The following AGMO variants were observed in gnomAD, a reference collection of about 807,000 sequenced individuals.
AGMO encodes the protein glyceryl-ether monooxygenase.
Under a neutral mutation model 60.2 loss-of-function variants are expected in AGMO, and 75 were observed. The ratio of observed to expected loss-of-function variants is 1.25; its 90% CI spans 1.03 to 1.51. AGMO has a LOEUF of 1.51. Among genes scored for constraint, AGMO ranks in the 40% most tolerant of loss-of-function variants. The pLI, the probability that AGMO is intolerant of heterozygous loss-of-function variation, is 0.00. For missense variants in AGMO, 763 were observed against 525.5 expected, an observed-to-expected ratio of 1.45 and a Z score of -4.42; for synonymous variants, 261 against 177.1, an observed-to-expected ratio of 1.47 and a Z score of -3.76.
At chr7:15,409,390 T>C (rs1036883450) in intron 5 of AGMO, among the ~76,000 whole-genome samples, 1 of 151,928 alleles carries the variant, frequency 6.6e-6, no homozygotes, top group Non-Finnish European at 1.5e-5. Flanking sequence ...GAGGAAAAAG[T>C]GTGACAAGTG....
At chr7:15,163,044 GGATAAATGCATTTCTA>G in the AGMO span, among the ~76,000 whole-genome samples, 2 of 151,922 alleles carry the variant, frequency 1.3e-5, no homozygotes, top group African/African-American at 2.4e-5. Context: ...TTACCCCCTT[GGATAAATGCATTTCTA>G]GGTATTTGAT....
the AGMO span, among the ~76,000 whole-genome samples, chr7:15,168,317 A>G: frequency 0.13 from 20,071 of 152,266 alleles, 1,697 homozygotes; most frequent in Non-Finnish European, 0.18. Context: ...AGAATCAGAA[A>G]AAGCAATGAA....
chr7:15,367,475 C>T (rs1229860933), intron 10 of AGMO, among the ~76,000 whole-genome samples: 2 of 151,760 alleles, frequency 1.3e-5, no homozygotes, highest in African/African-American at 2.4e-5. Context: ...AAAACGCAAA[C>T]AATCTGGGAA....
At chr7:15,348,539 G>A (rs1028359290) in intron 12 of AGMO, among the ~76,000 whole-genome samples, 2 of 151,996 alleles carry the variant, frequency 1.3e-5, no homozygotes, top group Admixed American at 1.3e-4. Context: ...TAATTATTCA[G>A]CAACATTTCT....
chr7:15,527,478 A>G (rs2128538977), intron 3 of AGMO, among the ~76,000 whole-genome samples: 1 of 152,290 alleles, frequency 6.6e-6, no homozygotes, highest in African/African-American at 2.4e-5. Flanking sequence ...GTAAAGCTTG[A>G]AGTTAGCAGA....
chr7:15,437,670 G>A (rs1441170285), intron 3 of AGMO, among the ~76,000 whole-genome samples: 1 of 151,928 alleles, frequency 6.6e-6, no homozygotes, highest in Non-Finnish European at 1.5e-5. Context: ...AAGTAGCTGG[G>A]ATTACAGGCG....
At chr7:15,545,443 C>T (rs79009265) in intron 2 of AGMO, among the ~76,000 whole-genome samples, 1,914 of 151,962 alleles carry the variant, frequency 0.013, 26 homozygotes, top group African/African-American at 0.044. Flanking sequence ...TAAATCTATT[C>T]TCTCTTCTCT....
intron 3 of AGMO, among the ~76,000 whole-genome samples, chr7:15,539,206 G>T (rs933544328): frequency 2.6e-5 from 4 of 152,090 alleles, no homozygotes; most frequent in African/African-American, 9.7e-5. Context: ...TAAACAGTGT[G>T]TCATGAGATT....
At chr7:15,232,913 G>C (rs1364349689) in intron 12 of AGMO, among the ~76,000 whole-genome samples, 2 of 151,912 alleles carry the variant, frequency 1.3e-5, no homozygotes, top group African/African-American at 4.8e-5. Context: ...AAGGAATTTA[G>C]GGTAAAAGAG....
chr7:15,531,770 C>T (rs1041075052), intron 3 of AGMO, among the ~76,000 whole-genome samples: 2 of 150,464 alleles, frequency 1.3e-5, no homozygotes, highest in South Asian at 4.2e-4. Context: ...AAGCGATTCT[C>T]ATACCTCAGC....
chr7:15,519,714 A>G (rs994992642), intron 3 of AGMO, among the ~76,000 whole-genome samples: 1 of 152,200 alleles, frequency 6.6e-6, no homozygotes, highest in African/African-American at 2.4e-5. Context: ...ACCAAAATGT[A>G]AAGACCATTG....
intron 12 of AGMO, among the ~76,000 whole-genome samples, chr7:15,336,360 TTTTC>T (rs1443434264): frequency 6.6e-6 from 1 of 152,110 alleles, no homozygotes; most frequent in Non-Finnish European, 1.5e-5. Context: ...GGTTTATTTG[TTTTC>T]TTTAAATTTG....
chr7:15,366,978 AG>A (rs1441188772), intron 10 of AGMO, among the ~76,000 whole-genome samples: 1 of 152,066 alleles, frequency 6.6e-6, no homozygotes, highest in African/African-American at 2.4e-5. Context: ...GAAGAATTAG[AG>A]GAAAAGCAGA....
intron 10 of AGMO, among the ~76,000 whole-genome samples, chr7:15,383,987 G>A (rs546362363): frequency 2.0e-4 from 30 of 152,080 alleles, no homozygotes; most frequent in Non-Finnish European, 4.4e-5. Flanking sequence ...CCAGGCTGGA[G>A]TGCAGTGGCG....
At chr7:15,333,206 G>T (rs1038226326) in intron 12 of AGMO, among the ~76,000 whole-genome samples, 1 of 152,104 alleles carries the variant, frequency 6.6e-6, no homozygotes, top group Non-Finnish European at 1.5e-5. Flanking sequence ...TCAAGACTCA[G>T]CAACAATCCA....
rs188369938 is a variant in AGMO at position 15,489,329 on chromosome 7, G to T, written c.409+55443C>A. Among the ~76,000 whole-genome samples, 219 of 152,216 alleles carry T rather than the reference G, an allele frequency of 1.4e-3. 7 individuals carry two copies. In the East Asian group the frequency reaches 0.034, roughly 24 times the overall value. Reference sequence around the variant, plus strand: ...CTTTAAGAATTTTCTTTAATTCAGAGGAAATAGAGGAATGTAAAATTAAAA... The same window carrying T: ...CTTTAAGAATTTTCTTTAATTCAGATGAAATAGAGGAATGTAAAATTAAAA... On this transcript the variant is annotated intron_variant, in intron 3 of 12. Transcript: ENST00000342526.
At chr7:15,517,420 ACCAAT>A (rs1783847906) in intron 3 of AGMO, among the ~76,000 whole-genome samples, 1 of 151,352 alleles carries the variant, frequency 6.6e-6, no homozygotes, top group Non-Finnish European at 1.5e-5. Context: ...TCCCAGCGAG[ACCAAT>A]GCAGAAGGTG....
At chr7:15,525,670 G>A (rs1014767959) in intron 3 of AGMO, among the ~76,000 whole-genome samples, 3 of 152,092 alleles carry the variant, frequency 2.0e-5, no homozygotes, top group African/African-American at 7.2e-5. Flanking sequence ...CAAAGAAGAC[G>A]GTAACACCGT....
In AGMO at chr7:15,354,851, ATATAT is replaced by A. The variant is rs148488099; in HGVS notation, c.1263+10658_1263+10662del. ...GAGAATTTGTTTTCTAAAAATAAAA[ATATAT>A]TATATCCTATAAAATATATTCTCAT... On this transcript the variant is annotated intron_variant, in intron 12 of 12. Coordinates refer to ENST00000342526, the MANE Select transcript of AGMO (RefSeq NM_001004320.2). Among the ~76,000 whole-genome samples, 2,128 of 151,502 alleles carry A rather than the reference ATATAT, an allele frequency of 0.014. 122 individuals are homozygous for A. In the East Asian group the frequency reaches 0.22, roughly 16 times the overall value.
Sources: allele counts gnomAD v4.1 joint callset (sites outside exome capture counted in the v4.1 genomes callset), GRCh38; gene constraint gnomAD v4.1.1; transcripts MANE v1.5; gene names NCBI Gene and HGNC (gene_info 2026-07-23, HGNC 2026-07-21).